Variants in AOX1 observed in about 807,000 individuals in gnomAD.
The protein encoded by AOX1 is aldehyde oxidase 1, also known as aldehyde oxidase.
A neutral mutation model predicts 169.5 loss-of-function variants in AOX1; 153 were observed. That is an observed-to-expected ratio of 0.90 (90% CI 0.79 to 1.03). AOX1 has a LOEUF of 1.03. Among genes scored for constraint, AOX1 ranks in the 50% least tolerant of loss-of-function variants. The pLI is 0.00. For missense variants in AOX1, 1,656 were observed against 1,663.9 expected, an observed-to-expected ratio of 1.00 and a Z score of 0.08; for synonymous variants, 562 against 581.9, an observed-to-expected ratio of 0.97 and a Z score of 0.49.
At chr2:200,645,012 T>G (rs1000240309) in intron 25 of AOX1, among the ~76,000 whole-genome samples, 4 of 152,158 alleles carry the variant, frequency 2.6e-5, no homozygotes, top group African/African-American at 9.7e-5. Flanking sequence ...TTGACTTCTC[T>G]TTACCGATTT....
At chr2:200,591,816 A>G (rs1374656292) in intron 1 of AOX1, among the ~76,000 whole-genome samples, 3 of 152,128 alleles carry the variant, frequency 2.0e-5, no homozygotes, top group Non-Finnish European at 2.9e-5. Flanking sequence ...GCGGGTACCA[A>G]GAGTGGAGGC....
Position 200,623,893 on chromosome 2 carries a change from G to T in AOX1, c.2034G>T (p.Val678=). The T allele has an allele frequency of 2.5e-6, 4 of 1,614,098 alleles. No homozygotes were observed. The highest frequency in any genetic ancestry group is 3.4e-6 in the Non-Finnish European group (4 of 1,179,978). Residue 678 remains valine, a synonymous_variant, in exon 19 of 35, where the codon GTG becomes GTT. Coordinates refer to ENST00000374700, the MANE Select transcript of AOX1 (RefSeq NM_001159.4). ...VFCVGQLVCA[V]LADSEVQAKR... ...GTGTGGGTCAGCTTGTCTGTGCTGT[G>T]CTTGCCGATTCTGAGGTTCAGGCAA...
intron 25 of AOX1, among the ~76,000 whole-genome samples, chr2:200,644,827 C>T (rs777149208): frequency 2.0e-5 from 3 of 151,974 alleles, no homozygotes; most frequent in Non-Finnish European, 4.4e-5. Context: ...GGGTTGAGTT[C>T]TTGATTTGAT....
chr2:200,616,895 G>C (rs1400643976), intron 16 of AOX1, among the ~76,000 whole-genome samples: 2 of 152,176 alleles, frequency 1.3e-5, no homozygotes, highest in Non-Finnish European at 2.9e-5. Context: ...ATTGACGTTG[G>C]TGTGTATTCC....
Position 200,595,337 on chromosome 2 carries a change from T to C in AOX1, c.169T>C (p.Ser57Pro), listed in dbSNP as rs2034260950. 1 of 1,612,802 alleles carries C rather than the reference T, an allele frequency of 6.2e-7. No homozygotes were observed. The highest frequency in any genetic ancestry group is 1.3e-5 in the African/African-American group (1 of 74,836). ...CTGTGGTGCTTGTACAGTGATGATA[T>C]CACGATACAACCCCATCACCAAGAG... ...GGCGACTVMISRYNPITKRIR... is the reference protein window; with the variant it reads ...GGCGACTVMIPRYNPITKRIR... The change falls in exon 3 of 35, where the codon TCA becomes CCA. Residue 57 changes from serine to proline, a missense_variant. By Grantham distance (74) the Ser-to-Pro change is moderately conservative. Coordinates refer to ENST00000374700, the MANE Select transcript of AOX1 (RefSeq NM_001159.4).
chr2:200,642,851 G>A (rs371480474), intron 25 of AOX1, 50 bp downstream of exon 25: 2 of 1,558,436 alleles, frequency 1.3e-6, no homozygotes, highest in African/African-American at 2.7e-5. Flanking sequence ...GTCAGAGACG[G>A]TAGGGCCTTT....
At chr2:200,657,190 A>ATATTTTTTTTTTT in intron 27 of AOX1, among the ~76,000 whole-genome samples, 2 of 62,878 alleles carry the variant, frequency 3.2e-5, no homozygotes, top group African/African-American at 1.6e-4. Context: ...ATATATATAT[A>ATATTTTTTTTTTT]TTTTTTTTTT....
chr2:200,666,979 A>G (rs2035934575), intron 32 of AOX1, among the ~76,000 whole-genome samples: 1 of 152,198 alleles, frequency 6.6e-6, no homozygotes, highest in Non-Finnish European at 1.5e-5. Context: ...GTGACTAGGG[A>G]GCTTGAATGA....
downstream of AOX1, among the ~76,000 whole-genome samples, chr2:200,676,402 C>T (rs1007922133): frequency 5.9e-5 from 9 of 151,956 alleles, no homozygotes; most frequent in Non-Finnish European, 8.8e-5. Flanking sequence ...GAGTTTGAGA[C>T]CATCCTGGCT....
chr2:200,637,103 A>G (rs2035250886), intron 22 of AOX1, 59 bp downstream of exon 22: 1 of 1,595,966 alleles, frequency 6.3e-7, no homozygotes. Context: ...TCTCACTGTC[A>G]GAATCAATGA....
Position 200,638,247 on chromosome 2 carries a change from G to A in AOX1, c.2513G>A (p.Arg838Gln), listed in dbSNP as rs746500211. 41 of 1,613,548 alleles carry A rather than the reference G, an allele frequency of 2.5e-5. No homozygotes were observed. In the East Asian group the frequency reaches 3.6e-4, roughly 14 times the overall value. The stretch of plus-strand genomic sequence containing the variant: ...CGTGCAGTTCGCTGTGTTCTGGAAC[G>A]AGGAGAAGACATGTTAATAACTGGA... ...HGRAVRCVLE[R>Q]GEDMLITGGR... Residue 838 changes from arginine (R) to glutamine (Q), a missense_variant, in exon 23 of 35, where the codon CGA (arginine) becomes CAA (glutamine). Physicochemically the swap from Arg to Gln is conservative, Grantham distance 43. Coordinates refer to ENST00000374700, the MANE Select transcript of AOX1 (RefSeq NM_001159.4).
downstream of AOX1, among the ~76,000 whole-genome samples, chr2:200,679,118 A>G (rs994009370): frequency 6.6e-6 from 1 of 152,196 alleles, no homozygotes; most frequent in African/African-American, 2.4e-5. Flanking sequence ...TAGACTCTTT[A>G]TTTTTAGGTA....
Position 200,634,854 on chromosome 2 carries a change from C to T in AOX1, c.2285C>T (p.Pro762Leu), listed in dbSNP as rs141342059. The T allele has an allele frequency of 6.3e-5, 102 of 1,613,982 alleles. No individual in the cohort carries two copies. In the African/African-American group the frequency reaches 1.3e-3, roughly 20 times the overall value. Reference protein sequence around the residue: ...YMETQSMLVVPKGEDQEMDVY... With the variant: ...YMETQSMLVVLKGEDQEMDVY... ...GAAACCCAAAGCATGCTTGTCGTTCCCAAGGGAGAGGATCAAGAAATGGAT... is the reference window on the plus strand; with the variant it reads ...GAAACCCAAAGCATGCTTGTCGTTCTCAAGGGAGAGGATCAAGAAATGGAT... Residue 762 changes from proline (P) to leucine (L), a missense_variant, in exon 21 of 35, where the codon CCC (proline) becomes CTC (leucine). By Grantham distance (98) the Pro-to-Leu change is moderately conservative (BLOSUM62 -3). Transcript: ENST00000374700.
rs750818785 is a variant in AOX1 at position 200,609,092 on chromosome 2, A to C, written c.1016A>C (p.Lys339Thr). 6.2e-7 allele frequency: 1 copy of C among 1,614,060 alleles called. No homozygotes were observed. The highest frequency in any genetic ancestry group is 8.5e-7 in the Non-Finnish European group (1 of 1,179,992). ...ACACAGATGTACCATGCTCTCCTGA[A>C]GCATTTGGGAACTCTGGCTGGGTCC... ...EKTQMYHALL[K>T]HLGTLAGSQI... Residue 339 changes from lysine (K) to threonine (T), a missense_variant, in exon 11 of 35, where the codon AAG (lysine) becomes ACG (threonine). Coordinates refer to ENST00000374700, the MANE Select transcript of AOX1 (RefSeq NM_001159.4).
chr2:200,613,737 C>T, intron 14 of AOX1, 67 bp from the exon 15 acceptor site: 1 of 1,446,322 alleles, frequency 6.9e-7, no homozygotes. Context: ...ATTTGTCTTA[C>T]CCATTAGATG....
At chr2:200,621,432 C>A (rs1384257418) in intron 18 of AOX1, among the ~76,000 whole-genome samples, 186 bp downstream of exon 18, 4 of 152,132 alleles carry the variant, frequency 2.6e-5, no homozygotes, top group Admixed American at 6.5e-5. Flanking sequence ...CAAGTAAAGA[C>A]ATTAACTAGT....
At chr2:200,625,499 C>A (rs897860391) in intron 19 of AOX1, among the ~76,000 whole-genome samples, 4 of 152,276 alleles carry the variant, frequency 2.6e-5, no homozygotes, top group Admixed American at 2.6e-4. Context: ...GATACAAGCT[C>A]TGGCTTTGTG....
chr2:200,611,827 C>T (rs2034647803), intron 13 of AOX1, among the ~76,000 whole-genome samples: 1 of 151,810 alleles, frequency 6.6e-6, no homozygotes, highest in Non-Finnish European at 1.5e-5. Context: ...GCCTCAGCCT[C>T]CCGAGTAGCT....
At chr2:200,654,501 T>C (rs1457796798) in intron 26 of AOX1, among the ~76,000 whole-genome samples, 2 of 152,226 alleles carry the variant, frequency 1.3e-5, no homozygotes, top group Admixed American at 1.3e-4. Flanking sequence ...AATTGTGTGA[T>C]TTGCTTTATT....
Sources: allele counts gnomAD v4.1 joint callset (sites outside exome capture counted in the v4.1 genomes callset), GRCh38; gene constraint gnomAD v4.1.1; transcripts MANE v1.5; gene names NCBI Gene and HGNC (gene_info 2026-07-23, HGNC 2026-07-21).